AFG2A: variants seen among roughly 807,000 people sequenced by gnomAD.
AFG2A encodes the protein ATPase family gene 2 protein homolog A.
chr4:123,294,756 A>G, the AFG2A span, among the ~76,000 whole-genome samples: 7 of 152,222 alleles, frequency 4.6e-5, no homozygotes, highest in African/African-American at 1.7e-4. Flanking sequence ...AGTTATTTGC[A>G]TAGGAGTGAT....
At chr4:123,046,526 T>G in the AFG2A span, among the ~76,000 whole-genome samples, 1 of 152,250 alleles carries the variant, frequency 6.6e-6, no homozygotes, top group Admixed American at 6.5e-5. Context: ...TGTATCATAG[T>G]TGTACATATT....
the AFG2A span, among the ~76,000 whole-genome samples, chr4:123,247,592 G>GTTTGTTTGTTTGTTTA: frequency 2.0e-5 from 3 of 151,750 alleles, no homozygotes; most frequent in Non-Finnish European, 4.4e-5. Context: ...ATGTTTGTTT[G>GTTTGTTTGTTTGTTTA]TTTGTTTGTT....
At chr4:122,968,241 GT>G in the AFG2A span, among the ~76,000 whole-genome samples, 8 of 151,484 alleles carry the variant, frequency 5.3e-5, no homozygotes, top group East Asian at 3.9e-4. Flanking sequence ...TTTATTTATA[GT>G]TTTTTTTTAC....
At chr4:123,246,601 A>C in the AFG2A span, among the ~76,000 whole-genome samples, 3 of 152,104 alleles carry the variant, frequency 2.0e-5, no homozygotes, top group Admixed American at 6.6e-5. Context: ...TTTTCATGAC[A>C]TGTCACACAT....
the AFG2A span, among the ~76,000 whole-genome samples, chr4:123,103,231 C>A: frequency 6.6e-6 from 1 of 152,004 alleles, no homozygotes; most frequent in Non-Finnish European, 1.5e-5. Context: ...AGTGTGTCCT[C>A]TTTTATAACT....
At chr4:122,923,085 T>C in the AFG2A span, 9 of 1,605,880 alleles carry the variant, frequency 5.6e-6, no homozygotes, top group African/African-American at 5.4e-5. Context: ...TTTCTCTCAG[T>C]TGAAGCGCGC....
chr4:123,078,242 C>T, the AFG2A span, among the ~76,000 whole-genome samples: 3 of 152,112 alleles, frequency 2.0e-5, no homozygotes, highest in East Asian at 5.8e-4. Flanking sequence ...TGTTAAACCA[C>T]CAAAAAGTTT....
chr4:122,934,930 T>G, the AFG2A span, among the ~76,000 whole-genome samples: 1 of 152,238 alleles, frequency 6.6e-6, no homozygotes, highest in Non-Finnish European at 1.5e-5. Context: ...ATTTTTAGGT[T>G]GTAATGTGAA....
the AFG2A span, among the ~76,000 whole-genome samples, chr4:123,276,364 A>G: frequency 6.6e-6 from 1 of 151,998 alleles, no homozygotes; most frequent in Non-Finnish European, 1.5e-5. Context: ...TAAGTTCCTT[A>G]TAGATTCTGG....
the AFG2A span, among the ~76,000 whole-genome samples, chr4:123,178,213 T>C: frequency 1.3e-5 from 2 of 152,206 alleles, no homozygotes; most frequent in Non-Finnish European, 2.9e-5. Flanking sequence ...ATCACTGGAA[T>C]ACTGTACCTT....
the AFG2A span, among the ~76,000 whole-genome samples, chr4:123,034,147 A>G: frequency 1.3e-5 from 2 of 152,092 alleles, no homozygotes; most frequent in South Asian, 4.2e-4. Context: ...ACAGATTGAA[A>G]ATATAATATT....
At chr4:123,136,363 G>C in the AFG2A span, among the ~76,000 whole-genome samples, 1 of 150,652 alleles carries the variant, frequency 6.6e-6, no homozygotes, top group African/African-American at 2.4e-5. Context: ...GAGAAACCCG[G>C]TCTCTACTAA....
At chr4:123,126,601 C>G in the AFG2A span, among the ~76,000 whole-genome samples, 5,565 of 152,170 alleles carry the variant, frequency 0.037, 334 homozygotes, top group African/African-American at 0.13. Context: ...TACCTCCGTG[C>G]TGTTCTCATG....
the AFG2A span, among the ~76,000 whole-genome samples, chr4:123,294,930 T>C: frequency 6.6e-6 from 1 of 152,198 alleles, no homozygotes; most frequent in African/African-American, 2.4e-5. Context: ...GAAAAGTTGA[T>C]GTAAGAGAAC....
the AFG2A span, among the ~76,000 whole-genome samples, chr4:122,945,352 G>A: frequency 6.6e-6 from 1 of 152,218 alleles, no homozygotes; most frequent in African/African-American, 2.4e-5. Flanking sequence ...GCAATGGCGG[G>A]CGCCCCTCCC....
the AFG2A span, among the ~76,000 whole-genome samples, chr4:123,182,311 C>A: frequency 9.2e-5 from 14 of 152,230 alleles, no homozygotes; most frequent in East Asian, 1.9e-3. Flanking sequence ...CATAGTATAG[C>A]ATCTGGCAAA....
the AFG2A span, among the ~76,000 whole-genome samples, chr4:123,148,476 G>A: frequency 7.9e-5 from 12 of 152,296 alleles, no homozygotes; most frequent in African/African-American, 2.4e-4. Flanking sequence ...AGTGGATAAT[G>A]GAGTTGATCT....
the AFG2A span, among the ~76,000 whole-genome samples, chr4:122,976,034 T>C: frequency 1.3e-5 from 2 of 152,232 alleles, no homozygotes; most frequent in Non-Finnish European, 2.9e-5. Flanking sequence ...CTTCTGTTTA[T>C]ATATAAAAGT....
the AFG2A span, among the ~76,000 whole-genome samples, chr4:123,082,523 CTT>C: frequency 7.1e-6 from 1 of 141,298 alleles, no homozygotes; most frequent in African/African-American, 2.6e-5. Flanking sequence ...TCTCTTTTTT[CTT>C]TTTTTTTTTT....
Sources: allele counts gnomAD v4.1 joint callset (sites outside exome capture counted in the v4.1 genomes callset), GRCh38; gene constraint gnomAD v4.1.1; transcripts MANE v1.5; gene names NCBI Gene and HGNC (gene_info 2026-07-23, HGNC 2026-07-21).